Variants in NHLRC2 observed in about 807,000 individuals in gnomAD.
NHLRC2 encodes the protein NHL repeat-containing protein 2.
A neutral mutation model predicts 68.1 loss-of-function variants in NHLRC2; 33 were observed. The observed-to-expected ratio is 0.48, with a 90% CI of 0.37 to 0.65. NHLRC2 has a LOEUF of 0.65. Ranked by LOEUF, NHLRC2 falls within the 30% of genes least tolerant of loss-of-function variation. The probability of loss-of-function intolerance (pLI) is 0.00; values close to 1 mark genes in which losing one functional copy is unlikely to be tolerated. For synonymous variants in NHLRC2, 311 were observed against 309.6 expected (o/e 1.00, Z -0.05); for missense variants, 761 against 853.8 (o/e 0.89, Z 1.35).
At chr10:113,908,132 A>G (rs1846291863) in intron 10 of NHLRC2, 148 bp from the exon 11 acceptor site, 1 of 622,704 alleles carries the variant, frequency 1.6e-6, no homozygotes, top group African/African-American at 1.8e-5. Flanking sequence ...TGTTATGTAT[A>G]TTTATGTCCT....
chr10:113,855,151 T>A, intron 1 of NHLRC2, 101 bp downstream of exon 1: 1 of 1,068,308 alleles, frequency 9.4e-7, no homozygotes, highest in South Asian at 1.4e-5. Flanking sequence ...TTTGTGCCGC[T>A]GGCGCCCCGG....
At chr10:113,882,031 G>A (rs1242247257) in intron 4 of NHLRC2, among the ~76,000 whole-genome samples, 5 of 151,636 alleles carry the variant, frequency 3.3e-5, no homozygotes, top group East Asian at 1.9e-4. Flanking sequence ...TCATTCCTTT[G>A]TATTGCTGGA....
intron 9 of NHLRC2, among the ~76,000 whole-genome samples, chr10:113,904,364 T>C (rs1457541287): frequency 2.6e-5 from 4 of 152,162 alleles, no homozygotes; most frequent in Non-Finnish European, 5.9e-5. Flanking sequence ...ACAGTTTTTT[T>C]CTGAAAAACT....
chr10:113,882,226 T>C (rs1408908128), intron 4 of NHLRC2, among the ~76,000 whole-genome samples: 1 of 151,852 alleles, frequency 6.6e-6, no homozygotes, highest in East Asian at 1.9e-4. Flanking sequence ...ATACCTAGAA[T>C]TGGTATTGTA....
At chr10:113,889,832 T>G (rs1846115612) in intron 5 of NHLRC2, among the ~76,000 whole-genome samples, 1 of 152,206 alleles carries the variant, frequency 6.6e-6, no homozygotes, top group Admixed American at 6.5e-5. Flanking sequence ...ATAATGTTTT[T>G]GAGATTCATC....
chr10:113,881,330 A>C (rs185151040), intron 4 of NHLRC2, among the ~76,000 whole-genome samples: 54 of 151,972 alleles, frequency 3.6e-4, no homozygotes, highest in African/African-American at 1.2e-3. Flanking sequence ...GTATAATCAC[A>C]ACAAATTTAG....
At position 113,917,044 on chromosome 10, in the gene NHLRC2, G is replaced by T. The variant is rs752122951; in HGVS notation, c.*8508G>T. On this transcript the variant is annotated 3_prime_UTR_variant, in exon 11 of 11. Coordinates refer to ENST00000369301, the MANE Select transcript of NHLRC2 (RefSeq NM_198514.4). ...ACAGAAGATTGTTTGGAACGAGAGT[G>T]CAGTGGCTTCTTTACTAGCAAAGAG... 6.6e-6 allele frequency: 1 copy of T among 152,186 alleles called. No homozygotes were observed. Among genetic ancestry groups the T allele is most frequent in the Non-Finnish European group, 1.5e-5 (1 of 68,028 alleles). 9.4% of individuals were successfully genotyped at this position (152,186 alleles called of 1,614,324 possible). A position where few individuals can be genotyped will look rare whatever the true frequency, so the allele number is the denominator to read the frequency against.
At chr10:113,898,594 G>A (rs945862276) in intron 6 of NHLRC2, among the ~76,000 whole-genome samples, 1 of 152,166 alleles carries the variant, frequency 6.6e-6, no homozygotes, top group African/African-American at 2.4e-5. Flanking sequence ...TTCACTTCAT[G>A]GAACCTGCAA....
At chr10:113,875,532 A>C (rs1488438695) in intron 2 of NHLRC2, among the ~76,000 whole-genome samples, 1 of 152,302 alleles carries the variant, frequency 6.6e-6, no homozygotes, top group East Asian at 1.9e-4. Flanking sequence ...ACCCACTCTC[A>C]GGACAAAGCT....
At chr10:113,888,024 G>A (rs1846097616) in intron 5 of NHLRC2, among the ~76,000 whole-genome samples, 1 of 152,160 alleles carries the variant, frequency 6.6e-6, no homozygotes, top group Non-Finnish European at 1.5e-5. Flanking sequence ...AAGGCCAGGA[G>A]TTTGAGACCA....
chr10:113,865,094 C>T (rs1321149443), intron 2 of NHLRC2, among the ~76,000 whole-genome samples: 4 of 151,764 alleles, frequency 2.6e-5, no homozygotes, highest in Admixed American at 2.0e-4. Context: ...GGACTACAGG[C>T]GCTCCTCACC....
At chr10:113,875,007 C>T (rs1019611938) in intron 2 of NHLRC2, among the ~76,000 whole-genome samples, 7 of 151,134 alleles carry the variant, frequency 4.6e-5, no homozygotes, top group East Asian at 1.9e-4. Context: ...TTTGGTAAGT[C>T]GAACATCTGC....
chr10:113,907,947 T>C (rs1846290804), intron 10 of NHLRC2, among the ~76,000 whole-genome samples: 2 of 152,306 alleles, frequency 1.3e-5, no homozygotes, highest in Middle Eastern at 3.4e-3. Context: ...TTCTAAAATT[T>C]AATAGGTTTT....
At chr10:113,885,592 C>T (rs1846074239) in intron 5 of NHLRC2, among the ~76,000 whole-genome samples, 1 of 151,822 alleles carries the variant, frequency 6.6e-6, no homozygotes, top group Non-Finnish European at 1.5e-5. Context: ...TTTGCTAAAT[C>T]GTATTTTAGT....
chr10:113,873,512 C>T (rs977511407), intron 2 of NHLRC2, among the ~76,000 whole-genome samples: 1 of 152,086 alleles, frequency 6.6e-6, no homozygotes, highest in Non-Finnish European at 1.5e-5. Flanking sequence ...ATATGTGAGG[C>T]TGTTGCTTTT....
chr10:113,916,171 T>A lies in NHLRC2; in HGVS notation c.*7635T>A, dbSNP rs1208022011. On this transcript the variant is annotated 3_prime_UTR_variant, in exon 11 of 11. Transcript: ENST00000369301. Reference sequence around the variant, plus strand: ...AGCATGTACAGGGTGGGCTCCCTGTTGTATTTATTACACTTTTCAAAATGC... The same window carrying A: ...AGCATGTACAGGGTGGGCTCCCTGTAGTATTTATTACACTTTTCAAAATGC... 2.0e-5 allele frequency: 3 copies of A among 152,238 alleles called. No homozygotes were observed. Among genetic ancestry groups the A allele is most frequent in the Non-Finnish European group, 4.4e-5 (3 of 68,048 alleles). The allele number at this position is 152,238 out of a possible 1,614,324, so 9.4% of individuals were successfully genotyped here.
intron 4 of NHLRC2, among the ~76,000 whole-genome samples, chr10:113,883,374 A>C (rs1589542423): frequency 6.6e-6 from 1 of 151,912 alleles, no homozygotes; most frequent in Non-Finnish European, 1.5e-5. Context: ...ATACATGTAC[A>C]TTTTCTCCAG....
chr10:113,875,910 C>CA (rs1235968147), intron 2 of NHLRC2, among the ~76,000 whole-genome samples: 2 of 146,496 alleles, frequency 1.4e-5, no homozygotes, highest in African/African-American at 5.1e-5. Context: ...TCCAGCCAAA[C>CA]ACTTTTTTTT....
At chr10:113,881,326 T>C (rs909282877) in intron 4 of NHLRC2, among the ~76,000 whole-genome samples, 1 of 151,826 alleles carries the variant, frequency 6.6e-6, no homozygotes, top group Admixed American at 6.6e-5. Context: ...TTAAGTATAA[T>C]CACAACAAAT....
Sources: allele counts gnomAD v4.1 joint callset (sites outside exome capture counted in the v4.1 genomes callset), GRCh38; gene constraint gnomAD v4.1.1; transcripts MANE v1.5; gene names NCBI Gene and HGNC (gene_info 2026-07-23, HGNC 2026-07-21).